The following NT5C1A variants were observed in gnomAD, a reference collection of about 807,000 sequenced individuals.
NT5C1A encodes the protein 5'-nucleotidase, cytosolic IA.
A neutral mutation model predicts 31.0 loss-of-function variants in NT5C1A; 18 were observed. The ratio of observed to expected loss-of-function variants is 0.58; its 90% CI spans 0.40 to 0.86. The LOEUF (loss-of-function observed/expected upper bound fraction) is 0.86. Ranked by LOEUF, NT5C1A falls within the 40% of genes least tolerant of loss-of-function variation. The pLI is 0.00. For missense variants in NT5C1A, 470 were observed against 505.4 expected, an observed-to-expected ratio of 0.93 and a Z score of 0.67; for synonymous variants, 185 against 203.6, an observed-to-expected ratio of 0.91 and a Z score of 0.78.
Position 39,659,419 on chromosome 1 carries a change from C to T in NT5C1A, c.809G>A (p.Arg270Gln), listed in dbSNP as rs752949958. 5.6e-6 allele frequency: 9 copies of T among 1,612,776 alleles called. No homozygotes were observed. Among genetic ancestry groups the T allele is most frequent in the South Asian group, 2.2e-5 (2 of 90,982 alleles). Residue 270 changes from arginine (R) to glutamine (Q), a missense_variant, in exon 6 of 6, where the codon CGG (arginine) becomes CAG (glutamine). Arg to Gln is a conservative substitution (Grantham distance 43). Coordinates refer to ENST00000235628, the MANE Select transcript of NT5C1A (RefSeq NM_032526.3). ...LQKKFYSKGL[R>Q]LECPIRTYLV... ...GTAGGTACGAATTGGGCACTCCAGC[C>T]GCAGGCCTTTGGAGTAGAACTTCTT...
At chr1:39,660,158 C>T (rs1200748607) in intron 5 of NT5C1A, among the ~76,000 whole-genome samples, 1 of 152,226 alleles carries the variant, frequency 6.6e-6, no homozygotes, top group Non-Finnish European at 1.5e-5. Context: ...AAGCAGTGGT[C>T]TCCTGGGCCT....
intron 3 of NT5C1A, among the ~76,000 whole-genome samples, chr1:39,665,301 C>G (rs9439008): frequency 0.041 from 6,204 of 152,306 alleles, 426 homozygotes; most frequent in African/African-American, 0.14. Flanking sequence ...CAACCACTGA[C>G]AGCTTGAAAC....
At position 39,655,368 on chromosome 1, in the gene NT5C1A, T is replaced by C. The variant is rs1471399379; in HGVS notation, c.*3753A>G. ...GGGTTTCTCAAAACTTGGGATTGTT[T>C]GGAAGTGCTTCTGGGGGTTCACAAA... On this transcript the variant is annotated 3_prime_UTR_variant, in exon 6 of 6. Transcript: ENST00000235628. Among the ~76,000 whole-genome samples, 1 of 152,222 alleles carries C rather than the reference T, an allele frequency of 6.6e-6. No homozygotes were observed. Among genetic ancestry groups the C allele is most frequent in the East Asian group, 1.9e-4 (1 of 5,194 alleles).
rs201701922 is a variant in NT5C1A, at chr1:39,666,131, G to T, written c.241C>A (p.Arg81Ser). ...TCGTTCTCATGTTCCAGCTGGTAGC[G>T]CACGTACTCCTCCACGCCCTGCTCC... ...YTEQGVEEYVRYQLEHENEPF... is the reference protein window; with the variant it reads ...YTEQGVEEYVSYQLEHENEPF... The change falls in exon 2 of 6, where the codon CGC becomes AGC. Residue 81 changes from arginine (R) to serine (S), a missense_variant. Coordinates refer to ENST00000235628, the MANE Select transcript of NT5C1A (RefSeq NM_032526.3). 6.2e-7 allele frequency: 1 copy of T among 1,613,658 alleles called. No homozygotes were observed. The highest frequency in any genetic ancestry group is 2.2e-5 in the East Asian group (1 of 44,886).
rs1045026688 is a variant in NT5C1A, at chr1:39,654,399, C to T, written c.*4722G>A. Among the ~76,000 whole-genome samples the T allele has an allele frequency of 3.9e-5, 6 of 152,240 alleles. No individual in the cohort carries two copies. The highest frequency in any genetic ancestry group is 1.4e-4 in the African/African-American group (6 of 41,450). On this transcript the variant is annotated 3_prime_UTR_variant, in exon 6 of 6. Coordinates refer to ENST00000235628, the MANE Select transcript of NT5C1A (RefSeq NM_032526.3). Reference sequence around the variant, plus strand: ...CTGCTGAAATCAACACTGGGCACTTCAATCTATCCAAAACTCATGTTTAGC... The same window carrying T: ...CTGCTGAAATCAACACTGGGCACTTTAATCTATCCAAAACTCATGTTTAGC...
rs1300712579 is a variant in NT5C1A, at chr1:39,663,443, G to A, written c.434-9C>T. 1 of 1,613,878 alleles carries A rather than the reference G, an allele frequency of 6.2e-7. No homozygotes were observed. On this transcript the variant is annotated splice_polypyrimidine_tract_variant and intron_variant, in intron 3 of 5. Coordinates refer to ENST00000235628, the MANE Select transcript of NT5C1A (RefSeq NM_032526.3). ...CCTCTCGATGAACAGGTCTGGGAAGGAGGTAAAGGACCCAGGTGAGGCCAG... is the reference window on the plus strand; with the variant it reads ...CCTCTCGATGAACAGGTCTGGGAAGAAGGTAAAGGACCCAGGTGAGGCCAG...
intron 1 of NT5C1A, among the ~76,000 whole-genome samples, chr1:39,668,322 C>A (rs1278853203): frequency 6.6e-6 from 1 of 152,204 alleles, no homozygotes; most frequent in Non-Finnish European, 1.5e-5. Context: ...GGTTCCCAAG[C>A]CTGCCACTCC....
At chr1:39,668,175 C>T (rs1367921658) in intron 1 of NT5C1A, among the ~76,000 whole-genome samples, 2 of 152,218 alleles carry the variant, frequency 1.3e-5, no homozygotes, top group East Asian at 3.9e-4. Flanking sequence ...GAGACCCACT[C>T]TCATAAACCC....
rs112265863 is a variant in NT5C1A, at chr1:39,666,459, A to G, written c.136-223T>C. On this transcript the variant is annotated intron_variant, in intron 1 of 5. Transcript: ENST00000235628. The stretch of plus-strand genomic sequence containing the variant: ...TGCTGGCTCCCTTGCTGGAAGCACA[A>G]TCTGATGGAGGGAGGGCCATGCCCT... Among the ~76,000 whole-genome samples the G allele has an allele frequency of 1.9e-3, 290 of 152,322 alleles. 1 individual carries two copies. Among genetic ancestry groups the G allele is most frequent in the African/African-American group, 6.4e-3 (268 of 41,570 alleles).
chr1:39,666,880 C>T (rs757505168), intron 1 of NT5C1A, among the ~76,000 whole-genome samples: 10 of 152,224 alleles, frequency 6.6e-5, no homozygotes, highest in Non-Finnish European at 1.0e-4. Flanking sequence ...CCTCAACTCC[C>T]TTCCTCATCA....
At chr1:39,663,811 TGTAAA>T (rs1328525184) in intron 3 of NT5C1A, among the ~76,000 whole-genome samples, 1 of 152,176 alleles carries the variant, frequency 6.6e-6, no homozygotes, top group Non-Finnish European at 1.5e-5. Context: ...CTGCAAAAGT[TGTAAA>T]GTATTTGTTG....
Position 39,655,161 on chromosome 1 carries a change from C to T in NT5C1A, c.*3960G>A, listed in dbSNP as rs1420406754. 8.5e-5 allele frequency among the ~76,000 whole-genome samples: 13 copies of T among 152,160 alleles called. No individual in the cohort carries two copies. Among genetic ancestry groups the T allele is most frequent in the African/African-American group, 1.9e-4 (8 of 41,432 alleles). On this transcript the variant is annotated 3_prime_UTR_variant, in exon 6 of 6. Transcript: ENST00000235628. ...TTCATCATGTTGGGCAGGATGGTCT[C>T]GATCTCCTGACCTTGTGATCCACCC...
At position 39,663,330 on chromosome 1, in the gene NT5C1A, G is replaced by A. The variant is rs374150125; in HGVS notation, c.538C>T (p.Arg180Ter). The change falls in exon 4 of 6, where the codon CGA becomes TGA. Residue 180 changes from arginine to a stop codon, truncating the protein, a stop_gained. Coordinates refer to ENST00000235628, the MANE Select transcript of NT5C1A (RefSeq NM_032526.3). LOFTEE classifies it high-confidence loss of function. ...LYLSADAEKV[R>*]EAIDEGIAAA... ...GACTTACCCTCATCAATGGCTTCTC[G>A]CACTTTTTCCGCATCGGCTGACAAG... is the stretch of plus-strand genomic sequence containing the variant. The A allele has an allele frequency of 2.8e-5, 45 of 1,614,088 alleles. 1 individual carries two copies. Among genetic ancestry groups the A allele is most frequent in the Non-Finnish European group, 3.6e-5 (42 of 1,180,012 alleles).
chr1:39,663,629 A>G (rs1421949152), intron 3 of NT5C1A, among the ~76,000 whole-genome samples, 195 bp from the exon 4 acceptor site: 1 of 152,060 alleles, frequency 6.6e-6, no homozygotes, highest in Non-Finnish European at 1.5e-5. Context: ...ACATCTCTAG[A>G]GCAATTGCCC....
chr1:39,660,991 G>A lies in NT5C1A; in HGVS notation c.741+88C>T, dbSNP rs1646490244. The A allele has an allele frequency of 8.2e-6, 6 of 729,766 alleles. No homozygotes were observed. The Admixed American group carries it at 1.3e-4, about 16-fold the overall frequency. 45.2% of individuals were successfully genotyped at this position (729,766 alleles called of 1,614,324 possible). A position where few individuals can be genotyped will look rare whatever the true frequency, so the allele number is the denominator to read the frequency against. ...GGAATCTGGGCTGAGCCTGGGGTTTGTTTGCTTCCAGGCTGGGAGTGCAGG... is the reference window on the plus strand; with the variant it reads ...GGAATCTGGGCTGAGCCTGGGGTTTATTTGCTTCCAGGCTGGGAGTGCAGG... On this transcript the variant is annotated intron_variant, in intron 5 of 5. Transcript: ENST00000235628.
chr1:39,671,553 C>CGCCTG, intron 1 of NT5C1A, among the ~76,000 whole-genome samples: 1 of 152,342 alleles, frequency 6.6e-6, no homozygotes, highest in African/African-American at 2.4e-5. Context: ...TGGTTACCCG[C>CGCCTG]GCCTGGGGCG....
Position 39,659,165 on chromosome 1 carries a change from G to C in NT5C1A, c.1063C>G (p.Pro355Ala). 6.2e-7 allele frequency: 1 copy of C among 1,612,122 alleles called. No homozygotes were observed. The highest frequency in any genetic ancestry group is 8.5e-7 in the Non-Finnish European group (1 of 1,178,626). Residue 355 changes from proline to alanine, a missense_variant, in exon 6 of 6, where the codon CCC (proline) becomes GCC (alanine). Coordinates refer to ENST00000235628, the MANE Select transcript of NT5C1A (RefSeq NM_032526.3). ...AHVPYGVAQTPRRTAPAKQAP... is the reference protein window; with the variant it reads ...AHVPYGVAQTARRTAPAKQAP... ...TGCTTTGCAGGTGCAGTCCGCCGGG[G>C]TGTCTGTGCCACACCATAAGGCACA...
intron 2 of NT5C1A, 65 bp downstream of exon 2, chr1:39,666,003 TG>T (rs1646519541): frequency 3.4e-6 from 5 of 1,463,934 alleles, no homozygotes; most frequent in East Asian, 2.3e-5. Flanking sequence ...CAAATACTCA[TG>T]GGAGTGCTTT....
At chr1:39,664,518 C>CCTCCCCTCCCCTCCCCTCCCCTCT (rs1288845231) in intron 3 of NT5C1A, among the ~76,000 whole-genome samples, 1 of 96,044 alleles carries the variant, frequency 1.0e-5, no homozygotes, top group African/African-American at 4.7e-5. Flanking sequence ...CCTCTCCTTT[C>CCTCCCCTCCCCTCCCCTCCCCTCT]CATCTCACTC....
Sources: gnomAD v4.1 joint callset for allele counts (sites outside exome capture counted in the v4.1 genomes callset) on GRCh38, gnomAD v4.1.1 for gene constraint, MANE v1.5 for transcripts, NCBI Gene and HGNC (gene_info 2026-07-23, HGNC 2026-07-21) for gene names.